The following INTS10 variants were observed in gnomAD, a reference collection of about 807,000 sequenced individuals.
INTS10 encodes the protein integrator complex subunit 10.
Under a neutral mutation model 94.4 loss-of-function variants are expected in INTS10, and 44 were observed. The observed-to-expected ratio is 0.47, with a 90% CI of 0.37 to 0.60. INTS10 has a LOEUF of 0.60. Among genes scored for constraint, INTS10 ranks in the 20% least tolerant of loss-of-function variants. INTS10 has a pLI of 0.00. For missense variants in INTS10, 797 were observed against 868.7 expected (o/e 0.92, Z 1.04); for synonymous variants, 341 against 320.7 (o/e 1.06, Z -0.68).
chr8:19,839,208 G>A (rs77346934), intron 13 of INTS10, among the ~76,000 whole-genome samples: 6,954 of 152,210 alleles, frequency 0.046, 231 homozygotes, highest in Non-Finnish European at 0.069. Flanking sequence ...AGCAAACTAG[G>A]AATAGAAGGA....
At chr8:19,850,309 CG>C (rs1357948338) in intron 16 of INTS10, among the ~76,000 whole-genome samples, 1 of 152,064 alleles carries the variant, frequency 6.6e-6, no homozygotes, top group Non-Finnish European at 1.5e-5. Context: ...TCTATCCTAG[CG>C]GGACCTCACC....
At chr8:19,833,999 T>A (rs2067451088) in intron 12 of INTS10, among the ~76,000 whole-genome samples, 1 of 136,328 alleles carries the variant, frequency 7.3e-6, no homozygotes, top group African/African-American at 2.7e-5. Context: ...AGAGCCAGAC[T>A]CTGTCTCAAA....
chr8:19,819,503 C>T, intron 2 of INTS10, 70 bp from the exon 3 acceptor site: 2 of 1,189,506 alleles, frequency 1.7e-6, no homozygotes, highest in South Asian at 1.6e-5. Flanking sequence ...TCACCAAATG[C>T]TAACGTTTTT....
Position 19,830,403 on chromosome 8 carries a change from C to G in INTS10, c.1141-3C>G. 1 of 1,610,010 alleles carries G rather than the reference C, an allele frequency of 6.2e-7. No homozygotes were observed. Among genetic ancestry groups the G allele is most frequent in the Non-Finnish European group, 8.5e-7 (1 of 1,178,266 alleles). On this transcript the variant is annotated splice_polypyrimidine_tract_variant and splice_region_variant and intron_variant, in intron 9 of 16. Transcript: ENST00000397977. ...AACCATGTTCTCCACATTCTTTAAG[C>G]AGAGTTCAGACGATGAAGACTGTTC...
At position 19,824,829 on chromosome 8, in the gene INTS10, T is replaced by G; in HGVS notation, c.863T>G (p.Met288Arg). Residue 288 changes from methionine (M) to arginine (R), a missense_variant, in exon 8 of 17, where the codon ATG becomes AGG. Physicochemically the swap from Met to Arg is moderately conservative, Grantham distance 91. This residue lies in a region of INTS10 where 734 missense variants were observed against 787.8 expected (regional missense o/e 0.93). Coordinates refer to ENST00000397977, the MANE Select transcript of INTS10 (RefSeq NM_018142.4). ...AGCTATGGAGATATTTTGCATAGAA[T>G]GAAGGATCTCTGCAGATACATGAAC... The part of the protein sequence containing the change: ...RRSYGDILHR[M>R]KDLCRYMNNF... 6.2e-7 allele frequency: 1 copy of G among 1,611,068 alleles called. No individual in the cohort carries two copies. The highest frequency in any genetic ancestry group is 2.2e-5 in the East Asian group (1 of 44,832).
At chr8:19,820,184 T>A (rs1279419786) in intron 3 of INTS10, among the ~76,000 whole-genome samples, 195 bp from the exon 4 acceptor site, 1 of 152,080 alleles carries the variant, frequency 6.6e-6, no homozygotes, top group East Asian at 1.9e-4. Context: ...GCAAATATTT[T>A]ACCATTATTC....
Position 19,851,731 on chromosome 8 carries a change from G to A in INTS10, c.2059G>A (p.Gly687Arg). 6.2e-7 allele frequency: 1 copy of A among 1,614,132 alleles called. No homozygotes were observed. Among genetic ancestry groups the A allele is most frequent in the Non-Finnish European group, 8.5e-7 (1 of 1,180,006 alleles). Reference sequence around the variant, plus strand: ...CATGGAGCGCCAGGTCTCCCGCTGTGGAGAGAATCTGATGGTGGTTCTGCA... The same window carrying A: ...CATGGAGCGCCAGGTCTCCCGCTGTAGAGAGAATCTGATGGTGGTTCTGCA... ...LAMERQVSRC[G>R]ENLMVVLHRF... Residue 687 changes from glycine to arginine, a missense_variant, in exon 17 of 17, where the codon GGA (glycine) becomes AGA (arginine). Gly to Arg is a moderately radical substitution (Grantham distance 125). Transcript: ENST00000397977. The surrounding 1 kb of genome is among the most constrained non-coding windows in gnomAD (Gnocchi z 5.0).
At chr8:19,839,118 G>A (rs1463083452) in intron 13 of INTS10, among the ~76,000 whole-genome samples, 1 of 151,652 alleles carries the variant, frequency 6.6e-6, no homozygotes. Context: ...CACTCCATTA[G>A]CAGACAGAAG....
chr8:19,833,048 C>G, intron 11 of INTS10, 121 bp from the exon 12 acceptor site: 2 of 755,338 alleles, frequency 2.6e-6, no homozygotes, highest in South Asian at 6.7e-5. Context: ...GATGATCAAA[C>G]CAAGCTACCG....
intron 5 of INTS10, 48 bp downstream of exon 5, chr8:19,822,568 TG>T (rs757012604): frequency 8.5e-7 from 1 of 1,179,478 alleles, no homozygotes; most frequent in Non-Finnish European, 1.3e-6. Context: ...ATTAATATGC[TG>T]GGGTAAGTGT....
At chr8:19,819,185 A>G (rs2066174025) in intron 2 of INTS10, among the ~76,000 whole-genome samples, 1 of 152,150 alleles carries the variant, frequency 6.6e-6, no homozygotes, top group South Asian at 2.1e-4. Context: ...GTATCTTGCT[A>G]TTTTAAAAAA....
intron 15 of INTS10, among the ~76,000 whole-genome samples, chr8:19,844,870 C>G (rs2128808126): frequency 6.6e-6 from 1 of 152,192 alleles, no homozygotes; most frequent in South Asian, 2.1e-4. Flanking sequence ...TATTCTTGTT[C>G]AGGTGCTCAG....
chr8:19,824,842 C>T lies in INTS10; in HGVS notation c.876C>T (p.Cys292=). 6.2e-7 allele frequency: 1 copy of T among 1,612,388 alleles called. No individual in the cohort carries two copies. The highest frequency in any genetic ancestry group is 8.5e-7 in the Non-Finnish European group (1 of 1,178,658). ...GDILHRMKDL[C]RYMNNFDSEA... is the part of the protein sequence containing the mutation. Reference sequence around the variant, plus strand: ...TTTTGCATAGAATGAAGGATCTCTGCAGATACATGAACAACTTTGATAGTG... The same window carrying T: ...TTTTGCATAGAATGAAGGATCTCTGTAGATACATGAACAACTTTGATAGTG... Residue 292 remains cysteine (C), a synonymous_variant, in exon 8 of 17, where the codon TGC becomes TGT. Transcript: ENST00000397977.
At position 19,820,425 on chromosome 8, in the gene INTS10, A is replaced by G. The variant is rs34010574; in HGVS notation, c.348A>G (p.Leu116=). 2.4e-4 allele frequency: 390 copies of G among 1,613,572 alleles called. No homozygotes were observed. The African/African-American group carries it at 4.8e-3, about 20-fold the overall frequency. Residue 116 remains leucine, a synonymous_variant, in exon 4 of 17, where the codon CTA becomes CTG. Transcript: ENST00000397977. ...GTCGGGTCCAGTGTGAAATGTTACT[A>G]AAGGTCACGGAACAATGCTTCAACA... ...LPGRVQCEML[L]KVTEQCFNTL... is the part of the protein sequence containing the mutation.
In INTS10 at chr8:19,824,010, A is replaced by G. The variant is rs1361956835; in HGVS notation, c.802A>G (p.Met268Val). Residue 268 changes from methionine (M) to valine (V), a missense_variant, in exon 7 of 17, where the codon ATG becomes GTG. By Grantham distance (21) the Met-to-Val change is conservative. This residue lies in a region of INTS10 where 734 missense variants were observed against 787.8 expected (regional missense o/e 0.93). Coordinates refer to ENST00000397977, the MANE Select transcript of INTS10 (RefSeq NM_018142.4). ...RLFKILNVVG[M>V]RCEWQMDKGR... ...GTTTAAGATTTTGAATGTTGTTGGA[A>G]TGAGATGTGAATGGCAGATGGATAA... The G allele has an allele frequency of 3.1e-6, 5 of 1,612,632 alleles. No individual in the cohort carries two copies. The South Asian group carries it at 5.5e-5, about 18-fold the overall frequency.
Position 19,851,673 on chromosome 8 carries a change from C to T in INTS10, c.2001C>T (p.Ile667=). 6.2e-7 allele frequency: 1 copy of T among 1,614,204 alleles called. No individual in the cohort carries two copies. Among genetic ancestry groups the T allele is most frequent in the South Asian group, 1.1e-5 (1 of 91,086 alleles). The part of the protein sequence containing the change: ...LIKHHTVTRG[I]TKGVKEDFRL... ...GGCACCACACTGTAACTCGAGGCATCACCAAAGGCGTGAAGGAGGACTTTC... is the reference window on the plus strand; with the variant it reads ...GGCACCACACTGTAACTCGAGGCATTACCAAAGGCGTGAAGGAGGACTTTC... Residue 667 remains isoleucine (I), a synonymous_variant, in exon 17 of 17, where the codon ATC becomes ATT. Transcript: ENST00000397977. The surrounding 1 kb of genome is among the most constrained non-coding windows in gnomAD (Gnocchi z 5.0).
At chr8:19,844,032 T>G in intron 14 of INTS10, 44 bp from the exon 15 acceptor site, 1 of 1,497,206 alleles carries the variant, frequency 6.7e-7, no homozygotes, top group Non-Finnish European at 9.0e-7. Context: ...GATTACCCTG[T>G]GACTTCCTTT....
In INTS10 at chr8:19,851,579, C is replaced by A; in HGVS notation, c.1977-70C>A. On this transcript the variant is annotated intron_variant, in intron 16 of 16. Coordinates refer to ENST00000397977, the MANE Select transcript of INTS10 (RefSeq NM_018142.4). The surrounding 1 kb of genome is among the most constrained non-coding windows in gnomAD (Gnocchi z 5.0). ...ATATGGGGCAGGCTTTATTCCTACC[C>A]AAGTAGCAGCGATCAGCGATGCTGG... 7.0e-7 allele frequency: 1 copy of A among 1,433,432 alleles called. No individual in the cohort carries two copies. The highest frequency in any genetic ancestry group is 9.8e-7 in the Non-Finnish European group (1 of 1,021,606). 88.8% of individuals were successfully genotyped at this position (1,433,432 alleles called of 1,614,324 possible). A position where few individuals can be genotyped will look rare whatever the true frequency, so the allele number is the denominator to read the frequency against.
At position 19,849,322 on chromosome 8, in the gene INTS10, C is replaced by A; in HGVS notation, c.1977-2327C>A. The A allele has an allele frequency of 1.8e-6, 1 of 545,380 alleles. No homozygotes were observed. The highest frequency in any genetic ancestry group is 1.9e-5 in the South Asian group (1 of 53,896). 33.8% of individuals were successfully genotyped at this position (545,380 alleles called of 1,614,324 possible). ...CCATGGTTCTCAGCTCTTCGTTCCT[C>A]AGTGCTCTTTTTCATGCTTTCTTTC... is the stretch of plus-strand genomic sequence containing the variant. On this transcript the variant is annotated intron_variant, in intron 16 of 16. Transcript: ENST00000397977. This position sits in a 1 kb window ranked among gnomAD's most constrained non-coding sequence, Gnocchi z 4.6.
Sources: gnomAD v4.1 joint callset for allele counts (sites outside exome capture counted in the v4.1 genomes callset) on GRCh38, gnomAD v4.1.1 for gene constraint, gnomAD v4.1.1 regional missense constraint, Gnocchi (gnomAD v3.1) non-coding constraint, MANE v1.5 for transcripts, NCBI Gene and HGNC (gene_info 2026-07-23, HGNC 2026-07-21) for gene names.